NFASC: variants seen among roughly 807,000 people sequenced by gnomAD.
The protein encoded by NFASC is neurofascin, also known as neurofascin homolog.
NFASC carries 43 observed loss-of-function variants against 147.5 expected under a neutral mutation model. That is an observed-to-expected ratio of 0.29 (90% confidence interval 0.23 to 0.38). The LOEUF (loss-of-function observed/expected upper bound fraction) is 0.38, where lower values mean the gene tolerates loss of function less well. Among genes scored for constraint, NFASC ranks in the 10% least tolerant of loss-of-function variants. The pLI, the probability that NFASC is intolerant of heterozygous loss-of-function variation, is 1.00. For missense variants in NFASC, 1,320 were observed against 1,689.0 expected, an observed-to-expected ratio of 0.78 and a Z score of 3.83; for synonymous variants, 622 against 665.5, an observed-to-expected ratio of 0.93 and a Z score of 1.01.
chr1:205,021,719 A>AC lies in NFASC; in HGVS notation c.*5182dup, dbSNP rs2096401739. 1 of 153,252 alleles carries AC rather than the reference A, an allele frequency of 6.5e-6. No homozygotes were observed. Among genetic ancestry groups the AC allele is most frequent in the African/African-American group, 2.4e-5 (1 of 41,374 alleles). The allele number at this position is 153,252 out of a possible 1,614,324, so 9.5% of individuals were successfully genotyped here. A position where few individuals can be genotyped will look rare whatever the true frequency, so the allele number is the denominator to read the frequency against. On this transcript the variant is annotated 3_prime_UTR_variant, in exon 30 of 30. Transcript: ENST00000339876. ...CTGTCCTTCTGGTTCACCCTCTCATACCTCTTTACTGCGTCTCCCACATCC... is the reference window on the plus strand; with the variant it reads ...CTGTCCTTCTGGTTCACCCTCTCATACCCTCTTTACTGCGTCTCCCACATCC...
chr1:204,997,130 C>G, intron 24 of NFASC, 40 bp from the exon 25 acceptor site: 1 of 1,581,834 alleles, frequency 6.3e-7, no homozygotes, highest in Non-Finnish European at 8.6e-7. Context: ...TGGGCACAGC[C>G]AAACCAACCA....
In NFASC at chr1:204,968,700, A is replaced by G; in HGVS notation, c.819-98A>G. 9.1e-7 allele frequency: 1 copy of G among 1,098,538 alleles called. No individual in the cohort carries two copies. The highest frequency in any genetic ancestry group is 1.3e-6 in the Non-Finnish European group (1 of 771,814). 68.0% of individuals were successfully genotyped at this position (1,098,538 alleles called of 1,614,324 possible). On this transcript the variant is annotated intron_variant, in intron 9 of 29. Transcript: ENST00000339876. This position sits in a 1 kb window ranked among gnomAD's most constrained non-coding sequence, Gnocchi z 5.4. The stretch of plus-strand genomic sequence containing the variant: ...AGAGGACATGCATCCTCCTGGGCCC[A>G]AGTATACTTTTAGGCCACCTGGGTG...
intron 15 of NFASC, 34 bp from the exon 16 acceptor site, chr1:204,976,637 C>G: frequency 6.5e-7 from 1 of 1,546,620 alleles, no homozygotes; most frequent in Non-Finnish European, 8.9e-7. Context: ...CTCCCCTACC[C>G]CCTCCTCCCA....
chr1:204,975,309 G>T lies in NFASC; in HGVS notation c.1597G>T (p.Ala533Ser). The change falls in exon 15 of 30, where the codon GCC becomes TCC. Residue 533 changes from alanine to serine, a missense_variant. By Grantham distance (99) the Ala-to-Ser change is moderately conservative. Transcript: ENST00000339876. This position sits in a 1 kb window ranked among gnomAD's most constrained non-coding sequence, Gnocchi z 4.0. Reference sequence around the variant, plus strand: ...CTACCGGATGCCCGAGGACCAGGTGGCCAGAAGGGGCACCACGGTGCAGCT... The same window carrying T: ...CTACCGGATGCCCGAGGACCAGGTGTCCAGAAGGGGCACCACGGTGCAGCT... The part of the protein sequence containing the change: ...RIYRMPEDQV[A>S]RRGTTVQLEC... The T allele has an allele frequency of 6.2e-7, 1 of 1,613,988 alleles. No individual in the cohort carries two copies.
chr1:204,895,237 C>G (rs1024211423), intron 1 of NFASC, among the ~76,000 whole-genome samples: 20 of 152,158 alleles, frequency 1.3e-4, no homozygotes, highest in African/African-American at 4.8e-4. Context: ...TATCATATGA[C>G]CCCTGCCTGT....
chr1:204,947,644 C>T (rs149581013), intron 3 of NFASC, among the ~76,000 whole-genome samples: 1 of 130,046 alleles, frequency 7.7e-6, no homozygotes, highest in African/African-American at 2.8e-5. Flanking sequence ...CCCTCCCTAT[C>T]CAGCCCCAAG....
chr1:204,881,351 T>G (rs2080186413), intron 1 of NFASC, among the ~76,000 whole-genome samples: 1 of 152,178 alleles, frequency 6.6e-6, no homozygotes, highest in Non-Finnish European at 1.5e-5. Flanking sequence ...TCTCTATTGG[T>G]GACAGATGCA....
intron 1 of NFASC, among the ~76,000 whole-genome samples, chr1:204,856,770 A>T (rs1311352041): frequency 6.6e-6 from 1 of 152,196 alleles, no homozygotes. Flanking sequence ...ATCATACAAT[A>T]TGTAGCCTTT....
chr1:204,970,881 G>A, intron 11 of NFASC, 134 bp downstream of exon 11: 1 of 1,092,030 alleles, frequency 9.2e-7, no homozygotes, highest in Middle Eastern at 2.7e-4. Flanking sequence ...CTGTTTCTCA[G>A]CTGCCCATCT....
chr1:204,984,488 T>C (rs962659112), intron 21 of NFASC, among the ~76,000 whole-genome samples: 19 of 150,890 alleles, frequency 1.3e-4, no homozygotes, highest in African/African-American at 4.4e-4. Context: ...GGGTTTGGGT[T>C]GGTGTTGCAT....
intron 5 of NFASC, among the ~76,000 whole-genome samples, chr1:204,952,370 T>A (rs1471209557): frequency 6.6e-6 from 1 of 152,250 alleles, no homozygotes; most frequent in Non-Finnish European, 1.5e-5. Flanking sequence ...ACTTTCCGTA[T>A]AACATTCTTT....
chr1:204,968,838 C>A lies in NFASC; in HGVS notation c.859C>A (p.Leu287Ile). The change falls in exon 10 of 30, where the codon CTC becomes ATC. Residue 287 changes from leucine (L) to isoleucine (I), a missense_variant. Around this residue, in one of 3 missense-constraint regions of NFASC, gnomAD observed 981 missense variants for 1,289.5 expected, o/e 0.76. Transcript: ENST00000339876. This position sits in a 1 kb window ranked among gnomAD's most constrained non-coding sequence, Gnocchi z 5.4. ...DIAWYKKGGDLPSDKAKFENF... is the reference protein window; with the variant it reads ...DIAWYKKGGDIPSDKAKFENF... ...CGCATGGTACAAGAAAGGTGGGGACCTCCCATCTGATAAGGCCAAGTTTGA... is the reference window on the plus strand; with the variant it reads ...CGCATGGTACAAGAAAGGTGGGGACATCCCATCTGATAAGGCCAAGTTTGA... 6.2e-7 allele frequency: 1 copy of A among 1,613,832 alleles called. No individual in the cohort carries two copies. Among genetic ancestry groups the A allele is most frequent in the Non-Finnish European group, 8.5e-7 (1 of 1,180,004 alleles).
At chr1:204,939,325 G>T (rs1254909971) in intron 2 of NFASC, among the ~76,000 whole-genome samples, 1 of 152,074 alleles carries the variant, frequency 6.6e-6, no homozygotes, top group East Asian at 1.9e-4. Context: ...TGTAGAGTAT[G>T]TTTTTTCACT....
At position 204,979,490 on chromosome 1, in the gene NFASC, A is replaced by G. The variant is rs2095472289; in HGVS notation, c.2107A>G (p.Ile703Val). ...SPYVNYQFRV[I>V]AINEVGSSHP... ...GTATGTCAACTACCAGTTCCGTGTC[A>G]TTGCCATCAACGAGGTTGGGAGCAG... The change falls in exon 19 of 30, where the codon ATT becomes GTT. Residue 703 changes from isoleucine (I) to valine (V), a missense_variant. Coordinates refer to ENST00000339876, the MANE Select transcript of NFASC (RefSeq NM_001005388.3). This position sits in a 1 kb window ranked among gnomAD's most constrained non-coding sequence, Gnocchi z 6.0. 2 of 1,613,762 alleles carry G rather than the reference A, an allele frequency of 1.2e-6. No homozygotes were observed. The highest frequency in any genetic ancestry group is 1.1e-5 in the South Asian group (1 of 91,086).
At chr1:204,956,887 T>C (rs2094457910) in intron 7 of NFASC, among the ~76,000 whole-genome samples, 1 of 152,094 alleles carries the variant, frequency 6.6e-6, no homozygotes, top group African/African-American at 2.4e-5. Context: ...TCTTTTGGGT[T>C]TACATCAGAT....
intron 11 of NFASC, 72 bp downstream of exon 11, chr1:204,970,819 T>A: frequency 6.4e-7 from 1 of 1,567,556 alleles, no homozygotes; most frequent in Non-Finnish European, 8.8e-7. Flanking sequence ...CCCATCACTG[T>A]AGCCAGTGCT....
chr1:204,878,123 T>C (rs1442124559), intron 1 of NFASC, among the ~76,000 whole-genome samples: 2 of 152,218 alleles, frequency 1.3e-5, no homozygotes, highest in East Asian at 3.8e-4. Flanking sequence ...AACATCTTTG[T>C]TTCCTCAAGG....
In NFASC at chr1:204,970,850, AAG is replaced by A. The variant is rs2095221149; in HGVS notation, c.1135+109_1135+110del. On this transcript the variant is annotated intron_variant, in intron 11 of 29. Coordinates refer to ENST00000339876, the MANE Select transcript of NFASC (RefSeq NM_001005388.3). ...GTGCTGGTCACACTAGAAGTTCAGG[AAG>A]AGAGAAGCCCACTGGTGGCTGTTTC... 3.5e-5 allele frequency: 51 copies of A among 1,452,258 alleles called. 2 individuals are homozygous for A. In the South Asian group the frequency reaches 6.0e-4, roughly 17 times the overall value. The allele number at this position is 1,452,258 out of a possible 1,614,324, so 90.0% of individuals were successfully genotyped here.
intron 1 of NFASC, among the ~76,000 whole-genome samples, chr1:204,915,043 G>A (rs2088816521): frequency 6.6e-6 from 1 of 152,200 alleles, no homozygotes; most frequent in African/African-American, 2.4e-5. Flanking sequence ...ACTTTGGGAG[G>A]CCGAGACAGG....
Sources: allele counts gnomAD v4.1 joint callset (sites outside exome capture counted in the v4.1 genomes callset), GRCh38; gene constraint gnomAD v4.1.1; regional missense constraint gnomAD v4.1.1; non-coding constraint Gnocchi (gnomAD v3.1); transcripts MANE v1.5; gene names NCBI Gene and HGNC (gene_info 2026-07-23, HGNC 2026-07-21).